The following TRAPPC9 variants were observed in gnomAD, a reference collection of about 807,000 sequenced individuals.
TRAPPC9 encodes trafficking protein particle complex subunit 9, also known as IKK2 binding protein.
TRAPPC9 carries 83 observed loss-of-function variants against 124.0 expected under a neutral mutation model. That is an observed-to-expected ratio of 0.67 (90% CI 0.56 to 0.80). TRAPPC9 has a LOEUF of 0.80. Ranked by LOEUF, TRAPPC9 falls within the 30% of genes least tolerant of loss-of-function variation. TRAPPC9 has a pLI of 0.00. For synonymous variants in TRAPPC9, 638 were observed against 617.5 expected, an observed-to-expected ratio of 1.03 and a Z score of -0.49; for missense variants, 1,302 against 1,508.3, an observed-to-expected ratio of 0.86 and a Z score of 2.27.
intron 21 of TRAPPC9, among the ~76,000 whole-genome samples, chr8:139,750,302 T>G (rs1386457187): frequency 1.3e-5 from 2 of 152,174 alleles, no homozygotes; most frequent in Non-Finnish European, 2.9e-5. Context: ...ACCCTGAGAA[T>G]GAATACTGGT....
intron 21 of TRAPPC9, among the ~76,000 whole-genome samples, chr8:139,744,038 C>A (rs1286201664): frequency 6.6e-6 from 1 of 152,230 alleles, no homozygotes; most frequent in East Asian, 1.9e-4. Context: ...CGCGAACGTG[C>A]ACTCACTGCC....
chr8:140,265,450 G>T (rs1301850601), intron 15 of TRAPPC9, among the ~76,000 whole-genome samples: 1 of 152,208 alleles, frequency 6.6e-6, no homozygotes, highest in Non-Finnish European at 1.5e-5. Context: ...GTGCAGAGAT[G>T]ATTTTTCTAT....
rs551020166 is a variant in TRAPPC9 at position 140,079,487 on chromosome 8, A to G, written c.2557-55408T>C. On this transcript the variant is annotated intron_variant, in intron 17 of 22. Transcript: ENST00000438773. ...CAGAGAGGCCACAAGCAGCGGCTCC[A>G]GCAGAAAAGAGGCACCTGCAGAAGG... 2.6e-4 allele frequency among the ~76,000 whole-genome samples: 39 copies of G among 152,308 alleles called. No homozygotes were observed. In the South Asian group the frequency reaches 7.7e-3, roughly 30 times the overall value.
intron 8 of TRAPPC9, among the ~76,000 whole-genome samples, chr8:140,360,756 T>G (rs1016032484): frequency 1.3e-5 from 2 of 152,202 alleles, no homozygotes; most frequent in African/African-American, 4.8e-5. Context: ...TTTTAAGAGA[T>G]GAGGTCTTTC....
intron 17 of TRAPPC9, among the ~76,000 whole-genome samples, chr8:140,103,767 A>G (rs2060620463): frequency 6.6e-6 from 1 of 152,180 alleles, no homozygotes; most frequent in South Asian, 2.1e-4. Context: ...ACACACGACT[A>G]TTCTTTTTAC....
At position 139,795,868 on chromosome 8, in the gene TRAPPC9, C is replaced by T. The variant is rs756378900; in HGVS notation, c.3056-63666G>A. ...ACACGGAGGGAACTGGATCCCAGTGCGTGAATGCACAGGGTCATTAGCCCA... is the reference window on the plus strand; with the variant it reads ...ACACGGAGGGAACTGGATCCCAGTGTGTGAATGCACAGGGTCATTAGCCCA... On this transcript the variant is annotated intron_variant, in intron 21 of 22. Transcript: ENST00000438773. 1.0e-3 allele frequency among the ~76,000 whole-genome samples: 157 copies of T among 152,260 alleles called. 3 individuals are homozygous for T. Among genetic ancestry groups the T allele is most frequent in the South Asian group, 2.1e-4 (1 of 4,824 alleles).
At chr8:140,272,423 GTGGTGA>G (rs944568239) in intron 15 of TRAPPC9, among the ~76,000 whole-genome samples, 4 of 146,582 alleles carry the variant, frequency 2.7e-5, no homozygotes, top group Non-Finnish European at 4.5e-5. Flanking sequence ...GATGGTGATG[GTGGTGA>G]TGGTAGTGAT....
intron 9 of TRAPPC9, among the ~76,000 whole-genome samples, chr8:140,345,463 C>T (rs1351839861): frequency 6.6e-6 from 1 of 152,138 alleles, no homozygotes; most frequent in Admixed American, 6.5e-5. Flanking sequence ...GTCCTGGGGG[C>T]AGAGGAGAAA....
intron 17 of TRAPPC9, among the ~76,000 whole-genome samples, chr8:140,107,060 T>C (rs577340887): frequency 2.6e-4 from 39 of 152,296 alleles, no homozygotes; most frequent in African/African-American, 9.4e-4. Context: ...GTCCTTTCTT[T>C]TGAGGGAATG....
rs968583580 is a variant in TRAPPC9 at position 139,779,115 on chromosome 8, T to C, written c.3056-46913A>G. Reference sequence around the variant, plus strand: ...CAAAATTAGACAGAAAAGAGAGACATGTTGTATACAGAGGAATGAAGATAA... The same window carrying C: ...CAAAATTAGACAGAAAAGAGAGACACGTTGTATACAGAGGAATGAAGATAA... On this transcript the variant is annotated intron_variant, in intron 21 of 22. Transcript: ENST00000438773. 1.9e-4 allele frequency among the ~76,000 whole-genome samples: 29 copies of C among 152,046 alleles called. 1 individual carries two copies. Among genetic ancestry groups the C allele is most frequent in the Admixed American group, 1.3e-4 (2 of 15,272 alleles).
At chr8:139,897,715 G>A (rs1258716613) in intron 20 of TRAPPC9, among the ~76,000 whole-genome samples, 1 of 152,218 alleles carries the variant, frequency 6.6e-6, no homozygotes, top group African/African-American at 2.4e-5. Flanking sequence ...TCACCCCAGT[G>A]GGGTTTCAAA....
intron 5 of TRAPPC9, among the ~76,000 whole-genome samples, chr8:140,414,155 G>A (rs899156412): frequency 6.6e-6 from 1 of 152,098 alleles, no homozygotes; most frequent in East Asian, 1.9e-4. Context: ...GAAATATGAA[G>A]AAGTTGTGGT....
In TRAPPC9 at chr8:140,444,691, C is replaced by CCCG. The variant is rs201805978; in HGVS notation, c.585-5495_585-5494insCGG. On this transcript the variant is annotated intron_variant, in intron 2 of 22. Coordinates refer to ENST00000438773, the MANE Select transcript of TRAPPC9 (RefSeq NM_001160372.4). ...GCCTAGCCAACATGGTGAGACCCCC[C>CCCG]CCATCTCTACTAAAAATACAAAATT... Among the ~76,000 whole-genome samples, 440 of 151,856 alleles carry CCCG rather than the reference C, an allele frequency of 2.9e-3. 1 individual carries two copies. The highest frequency in any genetic ancestry group is 9.2e-3 in the African/African-American group (382 of 41,492).
At chr8:140,456,869 A>T in intron 1 of TRAPPC9, 2 of 984,526 alleles carry the variant, frequency 2.0e-6, no homozygotes, top group Non-Finnish European at 2.4e-6. Flanking sequence ...CAGACAACGC[A>T]TCCTAACACG....
chr8:140,157,312 C>T (rs1221738644), intron 17 of TRAPPC9, among the ~76,000 whole-genome samples: 9 of 69,408 alleles, frequency 1.3e-4, no homozygotes, highest in Non-Finnish European at 2.2e-4. Context: ...TCAAAAGCCT[C>T]CCTTTTCCAT....
chr8:140,066,239 C>G (rs745849191), intron 17 of TRAPPC9, among the ~76,000 whole-genome samples: 1 of 139,540 alleles, frequency 7.2e-6, no homozygotes, highest in African/African-American at 2.5e-5. Context: ...TGACATGTGA[C>G]TCTTGTGGAT....
intron 5 of TRAPPC9, among the ~76,000 whole-genome samples, chr8:140,408,169 C>T (rs928106655): frequency 6.6e-6 from 1 of 152,042 alleles, no homozygotes; most frequent in Non-Finnish European, 1.5e-5. Flanking sequence ...ACTAGTGGAC[C>T]AGAGCCATCA....
Position 139,742,427 on chromosome 8 carries a change from A to G in TRAPPC9, c.3056-10225T>C, listed in dbSNP as rs568990402. ...CCAGAACTCCAAGCCCTTGACCTCC[A>G]TATTTCAGGAGTTTCTCACATTTTG... On this transcript the variant is annotated intron_variant, in intron 21 of 22. Transcript: ENST00000438773. The surrounding 1 kb of genome is among the most constrained non-coding windows in gnomAD (Gnocchi z 4.7). 5.8e-4 allele frequency among the ~76,000 whole-genome samples: 89 copies of G among 152,272 alleles called. No homozygotes were observed. The highest frequency in any genetic ancestry group is 2.1e-3 in the African/African-American group (89 of 41,556).
intron 18 of TRAPPC9, among the ~76,000 whole-genome samples, chr8:139,993,480 T>C (rs937644525): frequency 3.2e-4 from 48 of 152,208 alleles, no homozygotes; most frequent in African/African-American, 1.1e-3. Context: ...GGGATACAAA[T>C]TGGTACAACT....
Sources: gnomAD v4.1 joint callset for allele counts (sites outside exome capture counted in the v4.1 genomes callset) on GRCh38, gnomAD v4.1.1 for gene constraint, Gnocchi (gnomAD v3.1) non-coding constraint, MANE v1.5 for transcripts, NCBI Gene and HGNC (gene_info 2026-07-23, HGNC 2026-07-21) for gene names.